Variants in PTPRD observed in about 807,000 individuals in gnomAD.
The protein encoded by PTPRD is protein tyrosine phosphatase receptor type D, also known as receptor-type tyrosine-protein phosphatase delta.
Under a neutral mutation model 214.5 loss-of-function variants are expected in PTPRD, and 34 were observed. The observed-to-expected ratio is 0.16, with a 90% CI of 0.12 to 0.21. The LOEUF is 0.21. Among genes scored for constraint, PTPRD ranks in the 10% least tolerant of loss-of-function variants. PTPRD has a pLI of 1.00. For missense variants in PTPRD, 2,545 were observed against 2,398.7 expected, an observed-to-expected ratio of 1.06 and a Z score of -1.27; for synonymous variants, 1,128 against 845.7, an observed-to-expected ratio of 1.33 and a Z score of -5.79.
rs1303289070 is a variant in PTPRD at position 10,236,338 on chromosome 9, G to C, written c.-545+104625C>G. 2.0e-5 allele frequency among the ~76,000 whole-genome samples: 3 copies of C among 151,854 alleles called. No individual in the cohort carries two copies. In the East Asian group the frequency reaches 5.9e-4, roughly 30 times the overall value. ...TCATTTAGACCAGGGAAAGATTCTG[G>C]CGTACTAAGAATGTTTAGAAAAGGC... is the stretch of plus-strand genomic sequence containing the variant. On this transcript the variant is annotated intron_variant, in intron 3 of 45. Coordinates refer to ENST00000381196, the MANE Select transcript of PTPRD (RefSeq NM_002839.4).
chr9:8,838,805 G>T (rs2097495781), intron 11 of PTPRD, among the ~76,000 whole-genome samples: 1 of 151,416 alleles, frequency 6.6e-6, no homozygotes, highest in Non-Finnish European at 1.5e-5. Context: ...ACTGAAGAAT[G>T]GATATAAAAC....
chr9:8,579,713 G>T (rs967118476), intron 14 of PTPRD, among the ~76,000 whole-genome samples: 4 of 152,240 alleles, frequency 2.6e-5, no homozygotes, highest in African/African-American at 9.6e-5. Flanking sequence ...GCTTCATAGA[G>T]TAAGGTTGCA....
intron 36 of PTPRD, among the ~76,000 whole-genome samples, chr9:8,401,138 T>C (rs1183048875): frequency 6.6e-6 from 1 of 151,052 alleles, no homozygotes; most frequent in African/African-American, 2.4e-5. Flanking sequence ...TAGCTTCCAT[T>C]TGGTCTTTAT....
chr9:10,165,626 G>C (rs2099154303), intron 3 of PTPRD, among the ~76,000 whole-genome samples: 1 of 151,488 alleles, frequency 6.6e-6, no homozygotes, highest in South Asian at 2.1e-4. Flanking sequence ...TTCAAATTAA[G>C]AATAAATCAT....
At chr9:8,661,794 T>C (rs2097060222) in intron 12 of PTPRD, among the ~76,000 whole-genome samples, 2 of 152,252 alleles carry the variant, frequency 1.3e-5, no homozygotes, top group African/African-American at 4.8e-5. Context: ...CCTATGCAGT[T>C]ATAGTAAAGT....
intron 2 of PTPRD, among the ~76,000 whole-genome samples, chr9:10,592,896 C>A (rs147546884): frequency 2.0e-5 from 3 of 151,808 alleles, no homozygotes; most frequent in African/African-American, 7.3e-5. Flanking sequence ...CCACGCTAGC[C>A]CAGCAGCAGC....
intron 7 of PTPRD, among the ~76,000 whole-genome samples, chr9:9,580,250 G>C (rs2090315263): frequency 6.6e-6 from 1 of 152,038 alleles, no homozygotes. Flanking sequence ...TGGATCAAAG[G>C]GTGGTTCTAT....
chr9:9,372,397 T>G (rs1458713873), intron 9 of PTPRD, among the ~76,000 whole-genome samples: 1 of 152,148 alleles, frequency 6.6e-6, no homozygotes, highest in African/African-American at 2.4e-5. Flanking sequence ...TGATCTTTGT[T>G]GGTTTAAAGT....
intron 11 of PTPRD, among the ~76,000 whole-genome samples, chr9:8,914,990 C>T (rs573949691): frequency 7.9e-5 from 12 of 152,150 alleles, no homozygotes; most frequent in African/African-American, 2.6e-4. Flanking sequence ...AATCACAAAA[C>T]ATGTGCCAGA....
At chr9:9,329,994 C>A (rs908678618) in intron 9 of PTPRD, among the ~76,000 whole-genome samples, 20 of 152,102 alleles carry the variant, frequency 1.3e-4, no homozygotes, top group African/African-American at 4.1e-4. Context: ...CCCACCAGTT[C>A]TCACAAAGAA....
chr9:9,022,443 T>C (rs138666271), intron 10 of PTPRD, among the ~76,000 whole-genome samples: 1 of 152,136 alleles, frequency 6.6e-6, no homozygotes, highest in Non-Finnish European at 1.5e-5. Flanking sequence ...TGTTTAGTTA[T>C]ATTTAGATAC....
chr9:9,051,385 A>T (rs1181472117), intron 10 of PTPRD, among the ~76,000 whole-genome samples: 2 of 152,184 alleles, frequency 1.3e-5, no homozygotes, highest in Non-Finnish European at 2.9e-5. Context: ...TATGCAGTAC[A>T]ACCTATTTAT....
chr9:10,147,411 G>A (rs1215727619), intron 3 of PTPRD, among the ~76,000 whole-genome samples: 1 of 152,072 alleles, frequency 6.6e-6, no homozygotes, highest in Non-Finnish European at 1.5e-5. Flanking sequence ...GTTTATTGCG[G>A]CATTATTCAC....
intron 6 of PTPRD, among the ~76,000 whole-genome samples, chr9:9,742,921 A>G (rs558741924): frequency 6.6e-6 from 1 of 152,204 alleles, no homozygotes; most frequent in African/African-American, 2.4e-5. Context: ...GAGACCTAAA[A>G]TCAATTATAC....
chr9:9,129,692 T>C (rs2099839609), intron 10 of PTPRD, among the ~76,000 whole-genome samples: 1 of 152,208 alleles, frequency 6.6e-6, no homozygotes, highest in Non-Finnish European at 1.5e-5. Context: ...GAATCAATTG[T>C]TTGAGTTAGT....
At chr9:9,989,131 T>G (rs2095826032) in intron 4 of PTPRD, among the ~76,000 whole-genome samples, 1 of 151,464 alleles carries the variant, frequency 6.6e-6, no homozygotes, top group Non-Finnish European at 1.5e-5. Context: ...CATTTGTAGA[T>G]TCTATATTTT....
At chr9:9,462,500 T>C (rs2093750329) in intron 8 of PTPRD, among the ~76,000 whole-genome samples, 2 of 152,132 alleles carry the variant, frequency 1.3e-5, no homozygotes, top group South Asian at 2.1e-4. Context: ...TTAGATTTAA[T>C]ATATACAGAT....
chr9:9,738,445 T>TTTTTTTTA (rs2098339807), intron 6 of PTPRD, among the ~76,000 whole-genome samples: 1 of 134,982 alleles, frequency 7.4e-6, no homozygotes, highest in Non-Finnish European at 1.6e-5. Context: ...CTCACTTTTT[T>TTTTTTTTA]TTTTTTTTTT....
At chr9:8,447,778 A>G (rs1050429739) in intron 34 of PTPRD, among the ~76,000 whole-genome samples, 18 of 152,158 alleles carry the variant, frequency 1.2e-4, no homozygotes, top group African/African-American at 3.9e-4. Context: ...CTCCGGTGGA[A>G]GACCAAGGTT....
Sources: gnomAD v4.1 joint callset for allele counts (sites outside exome capture counted in the v4.1 genomes callset) on GRCh38, gnomAD v4.1.1 for gene constraint, MANE v1.5 for transcripts, NCBI Gene and HGNC (gene_info 2026-07-23, HGNC 2026-07-21) for gene names.